The following PPM1K variants were observed in gnomAD, a reference collection of about 807,000 sequenced individuals.
The protein encoded by PPM1K is protein phosphatase Mn(2+)-dependent 1K.
PPM1K carries 19 observed loss-of-function variants against 32.6 expected under a neutral mutation model. The observed-to-expected ratio is 0.58, with a 90% CI of 0.41 to 0.86. The LOEUF (loss-of-function observed/expected upper bound fraction) is 0.86. Ranked by LOEUF, PPM1K falls within the 40% of genes least tolerant of loss-of-function variation. The pLI is 0.00. For missense variants in PPM1K, 362 were observed against 461.2 expected, an observed-to-expected ratio of 0.78 and a Z score of 1.97; for synonymous variants, 159 against 165.3, an observed-to-expected ratio of 0.96 and a Z score of 0.29.
intron 5 of PPM1K, among the ~76,000 whole-genome samples, chr4:88,265,989 T>A (rs2110155606): frequency 6.6e-6 from 1 of 152,312 alleles, no homozygotes; most frequent in East Asian, 1.9e-4. Flanking sequence ...CTCTGTATGC[T>A]TTAGATTTTC....
At chr4:88,276,355 C>A in intron 3 of PPM1K, 1 of 985,346 alleles carries the variant, frequency 1.0e-6, no homozygotes, top group Non-Finnish European at 1.2e-6. Context: ...TACAAGGTTA[C>A]ATGCACACAT....
intron 3 of PPM1K, 84 bp from the exon 4 acceptor site, chr4:88,268,990 A>G: frequency 2.5e-6 from 3 of 1,185,734 alleles, no homozygotes; most frequent in Non-Finnish European, 3.6e-6. Flanking sequence ...ATAAAACACA[A>G]GCATGATAAA....
rs1447075093 is a variant in PPM1K, at chr4:88,262,740, C to A, written c.988-14G>T. On this transcript the variant is annotated splice_polypyrimidine_tract_variant and intron_variant, in intron 6 of 6. Coordinates refer to ENST00000608933, the MANE Select transcript of PPM1K (RefSeq NM_152542.5). The stretch of plus-strand genomic sequence containing the variant: ...GTACTGTATTGCCTGCAAGGTTTGG[C>A]AGGAAGAAAGAGAAAAACATTGGAA... The A allele has an allele frequency of 1.3e-6, 2 of 1,587,312 alleles. No individual in the cohort carries two copies. The highest frequency in any genetic ancestry group is 2.3e-5 in the South Asian group (2 of 85,774).
chr4:88,274,547 T>C (rs928764749), intron 3 of PPM1K, among the ~76,000 whole-genome samples: 1 of 152,112 alleles, frequency 6.6e-6, no homozygotes. Flanking sequence ...AGAGAAAAGA[T>C]GAAAGAAACT....
At position 88,260,538 on chromosome 4, in the gene PPM1K, A is replaced by G. The variant is rs1731078934; in HGVS notation, c.*2057T>C. On this transcript the variant is annotated 3_prime_UTR_variant, in exon 7 of 7. Transcript: ENST00000608933. Reference sequence around the variant, plus strand: ...CCTCACCTCTCAGACAACAAACAGAATGTTAACAGTCTTTCCTGTGATGTT... The same window carrying G: ...CCTCACCTCTCAGACAACAAACAGAGTGTTAACAGTCTTTCCTGTGATGTT... The G allele has an allele frequency of 6.6e-6, 1 of 152,128 alleles. No homozygotes were observed. Among genetic ancestry groups the G allele is most frequent in the Admixed American group, 6.6e-5 (1 of 15,254 alleles). The allele number at this position is 152,128 out of a possible 1,614,324, so 9.4% of individuals were successfully genotyped here. A position where few individuals can be genotyped will look rare whatever the true frequency, so the allele number is the denominator to read the frequency against.
intron 1 of PPM1K, among the ~76,000 whole-genome samples, chr4:88,280,493 G>A (rs185519741): frequency 9.8e-5 from 15 of 152,296 alleles, no homozygotes; most frequent in South Asian, 6.2e-4. Flanking sequence ...GGCCGGACCC[G>A]GTGGCTCACA....
Position 88,269,635 on chromosome 4 carries a change from C to T in PPM1K, c.542-729G>A, listed in dbSNP as rs1419315191. On this transcript the variant is annotated intron_variant, in intron 3 of 6. Coordinates refer to ENST00000608933, the MANE Select transcript of PPM1K (RefSeq NM_152542.5). Reference sequence around the variant, plus strand: ...TGGAGAATGAAGTTCATTCTAGCTTCTCATAAACTTGGTGTAGTTAACACT... The same window carrying T: ...TGGAGAATGAAGTTCATTCTAGCTTTTCATAAACTTGGTGTAGTTAACACT... 1.3e-5 allele frequency among the ~76,000 whole-genome samples: 2 copies of T among 152,144 alleles called. 1 individual carries two copies. Among genetic ancestry groups the T allele is most frequent in the South Asian group, 4.1e-4 (2 of 4,828 alleles).
intron 3 of PPM1K, chr4:88,270,922 G>A (rs897510171): frequency 3.3e-6 from 1 of 298,708 alleles, no homozygotes; most frequent in Non-Finnish European, 6.7e-6. Context: ...ATTTAACATG[G>A]AAGTAAAAAT....
rs1292033968 is a variant in PPM1K, at chr4:88,278,385, A to C, written c.199T>G (p.Trp67Gly). 1 of 1,614,062 alleles carries C rather than the reference A, an allele frequency of 6.2e-7. No individual in the cohort carries two copies. Among genetic ancestry groups the C allele is most frequent in the Non-Finnish European group, 8.5e-7 (1 of 1,180,052 alleles). ...ATTGGCTCATCAATGCGGTTATCCC[A>C]GATCCCAAAATTGTCCCAGGTAGCT... is the stretch of plus-strand genomic sequence containing the variant. ...SPATWDNFGI[W>G]DNRIDEPILL... Residue 67 changes from tryptophan (W) to glycine (G), a missense_variant, in exon 2 of 7, where the codon TGG becomes GGG. Physicochemically the swap from Trp to Gly is radical, Grantham distance 184. Transcript: ENST00000608933. This position sits in a 1 kb window ranked among gnomAD's most constrained non-coding sequence, Gnocchi z 4.2.
rs529159272 is a variant in PPM1K, at chr4:88,266,872, T to C, written c.852+1318A>G. The stretch of plus-strand genomic sequence containing the variant: ...ATTGGGTGCAGGTGATGTTGGCTGA[T>C]TGGGTGCAGGTGATGCTGGCTGTGT... On this transcript the variant is annotated intron_variant, in intron 5 of 6. Transcript: ENST00000608933. Among the ~76,000 whole-genome samples the C allele has an allele frequency of 4.2e-4, 59 of 141,130 alleles. No homozygotes were observed. In the South Asian group the frequency reaches 0.013, roughly 31 times the overall value. The allele number at this position is 141,130 out of a possible 152,430, so 92.6% of individuals were successfully genotyped here.
chr4:88,274,606 G>C (rs1731689532), intron 3 of PPM1K, among the ~76,000 whole-genome samples: 1 of 152,078 alleles, frequency 6.6e-6, no homozygotes. Flanking sequence ...ACTGGCACTG[G>C]TCCTATCTAT....
At chr4:88,281,889 C>T (rs935099283) in intron 1 of PPM1K, among the ~76,000 whole-genome samples, 1 of 152,166 alleles carries the variant, frequency 6.6e-6, no homozygotes, top group East Asian at 1.9e-4. Context: ...ACAGCTCTGC[C>T]GATGCCCATG....
chr4:88,275,253 C>A (rs1437698094), intron 3 of PPM1K: 1 of 691,466 alleles, frequency 1.4e-6, no homozygotes, highest in Admixed American at 6.3e-5. Flanking sequence ...TGCACAAGGA[C>A]CATGCTGATC....
At chr4:88,274,291 G>C (rs1731678225) in intron 3 of PPM1K, among the ~76,000 whole-genome samples, 1 of 152,150 alleles carries the variant, frequency 6.6e-6, no homozygotes, top group African/African-American at 2.4e-5. Flanking sequence ...AGGAGTGACA[G>C]CTCATTAAAA....
intron 1 of PPM1K, 74 bp downstream of exon 1, chr4:88,284,332 A>C (rs1034151152): frequency 3.3e-5 from 5 of 152,264 alleles, no homozygotes; most frequent in Non-Finnish European, 7.3e-5. Flanking sequence ...TTTACTCTCC[A>C]TTCCGCGACC....
At chr4:88,275,726 G>A in intron 3 of PPM1K, 1 of 985,320 alleles carries the variant, frequency 1.0e-6, no homozygotes, top group Non-Finnish European at 1.2e-6. Context: ...AGCCAACTCA[G>A]TTACTATGAA....
Position 88,265,093 on chromosome 4 carries a change from C to T in PPM1K, c.895G>A (p.Gly299Arg), listed in dbSNP as rs762620733. ...DDSFLVLTTD[G>R]INFMVNSQEI... ...TGACTATTCACCATGAAGTTAATTC[C>T]ATCTGTGGTGAGGACCAGGAAGCTG... is the stretch of plus-strand genomic sequence containing the variant. Residue 299 changes from glycine (G) to arginine (R), a missense_variant, in exon 6 of 7, where the codon GGA (glycine) becomes AGA (arginine). Gly to Arg is a moderately radical substitution (Grantham distance 125). Coordinates refer to ENST00000608933, the MANE Select transcript of PPM1K (RefSeq NM_152542.5). 2 of 1,614,148 alleles carry T rather than the reference C, an allele frequency of 1.2e-6. No individual in the cohort carries two copies. Among genetic ancestry groups the T allele is most frequent in the Non-Finnish European group, 1.7e-6 (2 of 1,179,984 alleles).
intron 4 of PPM1K, 61 bp downstream of exon 4, chr4:88,268,680 C>T: frequency 2.0e-6 from 3 of 1,501,396 alleles, no homozygotes; most frequent in Non-Finnish European, 2.7e-6. Context: ...AGTTTAAAAA[C>T]TATTATGAAC....
intron 3 of PPM1K, chr4:88,276,841 GCAAA>G: frequency 9.8e-7 from 1 of 1,021,030 alleles, no homozygotes; most frequent in South Asian, 4.2e-5. Context: ...CATAAAATAA[GCAAA>G]CAGATTAAAC....
Sources: gnomAD v4.1 joint callset for allele counts (sites outside exome capture counted in the v4.1 genomes callset) on GRCh38, gnomAD v4.1.1 for gene constraint, Gnocchi (gnomAD v3.1) non-coding constraint, MANE v1.5 for transcripts, NCBI Gene and HGNC (gene_info 2026-07-23, HGNC 2026-07-21) for gene names.